Variants in KIF15 observed in about 807,000 individuals in gnomAD.
The protein encoded by KIF15 is kinesin family member 15.
In KIF15, 140 loss-of-function variants were observed where a neutral mutation model predicts 190.6. That is an observed-to-expected ratio of 0.73 (90% CI 0.64 to 0.84). The LOEUF is 0.84. KIF15 is among the 40% of genes least tolerant of loss of function. KIF15 has a pLI of 0.00. For missense variants in KIF15, 1,372 were observed against 1,584.4 expected (o/e 0.87, Z 2.28); for synonymous variants, 528 against 551.3 (o/e 0.96, Z 0.59).
At chr3:44,802,552 G>A (rs939769252) in intron 13 of KIF15, among the ~76,000 whole-genome samples, 1 of 152,094 alleles carries the variant, frequency 6.6e-6, no homozygotes, top group Non-Finnish European at 1.5e-5. Flanking sequence ...TGAAAAGCCT[G>A]CCACAATGTA....
chr3:44,853,972 G>A (rs1360136389), downstream of KIF15, among the ~76,000 whole-genome samples: 1 of 152,170 alleles, frequency 6.6e-6, no homozygotes, highest in African/African-American at 2.4e-5. Flanking sequence ...GTAAATCATT[G>A]GCTGCTTGGA....
chr3:44,769,822 T>A (rs1025201519), intron 1 of KIF15, among the ~76,000 whole-genome samples: 5 of 152,184 alleles, frequency 3.3e-5, no homozygotes, highest in African/African-American at 4.8e-5. Context: ...AAGAAAAGGA[T>A]GCCCTGTGAC....
chr3:44,852,694 GA>G lies in KIF15; in HGVS notation c.4130del (p.Asn1377MetfsTer4). On this transcript the variant is annotated frameshift_variant, in exon 35 of 35. Coordinates refer to ENST00000326047, the MANE Select transcript of KIF15 (RefSeq NM_020242.3). LOFTEE classifies it high-confidence loss of function. ...TTAGGAGACAGAAAAGTTGCGTGCC[GA>G]AAATGTATTTTTAAAAGAAAAGAAA... ...LAEETEKLRA[E>X]NVFLKEKKRS... 1 of 1,596,336 alleles carries G rather than the reference GA, an allele frequency of 6.3e-7. No homozygotes were observed. Among genetic ancestry groups the G allele is most frequent in the South Asian group, 1.2e-5 (1 of 86,798 alleles).
At chr3:44,806,285 G>A (rs1196537052) in intron 16 of KIF15, among the ~76,000 whole-genome samples, 1 of 152,190 alleles carries the variant, frequency 6.6e-6, no homozygotes, top group Non-Finnish European at 1.5e-5. Context: ...GGAAATGAAG[G>A]TAATTTACTT....
In KIF15 at chr3:44,843,249, C is replaced by A; in HGVS notation, c.3695+15C>A. 6.5e-7 allele frequency: 1 copy of A among 1,548,204 alleles called. No homozygotes were observed. The highest frequency in any genetic ancestry group is 8.9e-7 in the Non-Finnish European group (1 of 1,122,568). ...AAGGAAAACAGGTGAGAAAGAACCACGAGAACTCTATGGGCTAAATCTTGG... is the reference window on the plus strand; with the variant it reads ...AAGGAAAACAGGTGAGAAAGAACCAAGAGAACTCTATGGGCTAAATCTTGG... On this transcript the variant is annotated intron_variant, in intron 30 of 34. Transcript: ENST00000326047.
Position 44,848,537 on chromosome 3 carries a change from A to G in KIF15, c.3785A>G (p.Glu1262Gly). ...ERLAKSKIVE[E>G]MLKMKADLEE... ...TTCTTATAGAGTAAAATAGTTGAAGAAATGCTGAAAATGAAAGCAGAGTAA... is the reference window on the plus strand; with the variant it reads ...TTCTTATAGAGTAAAATAGTTGAAGGAATGCTGAAAATGAAAGCAGAGTAA... The change falls in exon 32 of 35, where the codon GAA becomes GGA. Residue 1262 changes from glutamate to glycine, a missense_variant. By Grantham distance (98) the Glu-to-Gly change is moderately conservative. Coordinates refer to ENST00000326047, the MANE Select transcript of KIF15 (RefSeq NM_020242.3). 1 of 1,194,078 alleles carries G rather than the reference A, an allele frequency of 8.4e-7. No homozygotes were observed. Among genetic ancestry groups the G allele is most frequent in the Non-Finnish European group, 1.2e-6 (1 of 828,724 alleles). 74.0% of individuals were successfully genotyped at this position (1,194,078 alleles called of 1,614,324 possible).
At chr3:44,827,601 T>C in intron 23 of KIF15, 73 bp downstream of exon 23, 3 of 849,964 alleles carry the variant, frequency 3.5e-6, no homozygotes, top group Non-Finnish European at 5.6e-6. Flanking sequence ...AAAGGCTTAT[T>C]ATAATGATTT....
At chr3:44,864,432 G>A in intron 6 of KIF15, 1 of 1,537,156 alleles carries the variant, frequency 6.5e-7, no homozygotes, top group Non-Finnish European at 8.9e-7. Flanking sequence ...CCAGACAGGA[G>A]AAAGGACAGG....
At chr3:44,806,309 G>A (rs1707498175) in intron 16 of KIF15, among the ~76,000 whole-genome samples, 1 of 152,182 alleles carries the variant, frequency 6.6e-6, no homozygotes, top group Non-Finnish European at 1.5e-5. Flanking sequence ...GAGTTTTAGA[G>A]TACTAAATGA....
chr3:44,863,244 CTA>C (rs1699278982), intron 6 of KIF15: 1 of 142,106 alleles, frequency 7.0e-6, no homozygotes, highest in Admixed American at 7.7e-5. Context: ...TCTCAAGACA[CTA>C]TGTGTTCAGC....
intron 21 of KIF15, 38 bp from the exon 22 acceptor site, chr3:44,826,337 C>G: frequency 6.3e-7 from 1 of 1,576,210 alleles, no homozygotes; most frequent in Non-Finnish European, 8.7e-7. Flanking sequence ...CTATGCATTG[C>G]TAGTAACAGT....
At position 44,797,941 on chromosome 3, in the gene KIF15, G is replaced by A. The variant is rs1308356541; in HGVS notation, c.1083G>A (p.Lys361=). The change falls in exon 10 of 35, where the codon AAG becomes AAA. Residue 361 remains lysine, a synonymous_variant. Coordinates refer to ENST00000326047, the MANE Select transcript of KIF15 (RefSeq NM_020242.3). ...CACTTAACTTTGCTCAAAGAGCCAA[G>A]CTGATTAAAAACAAGGTAAAATACT... ...LSTLNFAQRA[K]LIKNKAVVNE... is the part of the protein sequence containing the mutation. The A allele has an allele frequency of 1.4e-5, 23 of 1,611,922 alleles. No individual in the cohort carries two copies. The highest frequency in any genetic ancestry group is 1.8e-5 in the Non-Finnish European group (21 of 1,179,458).
chr3:44,865,345 T>C, intron 6 of KIF15: 1 of 842,674 alleles, frequency 1.2e-6, no homozygotes, highest in Non-Finnish European at 1.8e-6. Flanking sequence ...TAAGGAGAGG[T>C]GCAGCTGCAG....
At chr3:44,854,320 G>C (rs1699158056), downstream of KIF15, among the ~76,000 whole-genome samples, 1 of 151,542 alleles carries the variant, frequency 6.6e-6, no homozygotes. Context: ...GGGAGGCAGA[G>C]GTTTCATTGA....
chr3:44,767,180 C>T (rs1705432715), intron 1 of KIF15, among the ~76,000 whole-genome samples: 1 of 152,092 alleles, frequency 6.6e-6, no homozygotes, highest in Non-Finnish European at 1.5e-5. Flanking sequence ...AATGTCATGT[C>T]AGAAGTCAAT....
intron 23 of KIF15, 21 bp downstream of exon 23, chr3:44,827,549 A>T: frequency 6.7e-7 from 1 of 1,500,794 alleles, no homozygotes; most frequent in South Asian, 1.1e-5. Flanking sequence ...TGTTACTCTA[A>T]CTCTAGTATT....
intron 8 of KIF15, among the ~76,000 whole-genome samples, chr3:44,796,015 C>T (rs1409139885): frequency 2.6e-5 from 4 of 152,148 alleles, no homozygotes; most frequent in Non-Finnish European, 5.9e-5. Context: ...GCGCCCACCA[C>T]CACACCCAGC....
rs1458395273 is a variant in KIF15 at position 44,797,839 on chromosome 3, C to T, written c.981C>T (p.Ser327=). The T allele has an allele frequency of 6.2e-7, 1 of 1,612,858 alleles. No homozygotes were observed. Among genetic ancestry groups the T allele is most frequent in the Non-Finnish European group, 8.5e-7 (1 of 1,179,806 alleles). ...TCATTCCTATCATTAAACAGGATTC[C>T]CTTGGAGGTAATGCCAAAACAGCCA... is the stretch of plus-strand genomic sequence containing the variant. ...DSKLTFLLRD[S]LGGNAKTAII... is the part of the protein sequence containing the mutation. Residue 327 remains serine (S), a synonymous_variant, in exon 10 of 35, where the codon TCC becomes TCT. Transcript: ENST00000326047.
At chr3:44,767,800 C>T (rs368177052) in intron 1 of KIF15, among the ~76,000 whole-genome samples, 9 of 145,958 alleles carry the variant, frequency 6.2e-5, no homozygotes, top group African/African-American at 1.8e-4. Flanking sequence ...GAGGCTGAGG[C>T]AGGAGAATGG....
Sources: gnomAD v4.1 joint callset for allele counts (sites outside exome capture counted in the v4.1 genomes callset) on GRCh38, gnomAD v4.1.1 for gene constraint, MANE v1.5 for transcripts, NCBI Gene and HGNC (gene_info 2026-07-23, HGNC 2026-07-21) for gene names.